The following CDC14B variants were observed in gnomAD, a reference collection of about 807,000 sequenced individuals.
The protein encoded by CDC14B is cell division cycle 14B.
Under a neutral mutation model 64.2 loss-of-function variants are expected in CDC14B, and 22 were observed. The observed-to-expected ratio is 0.34, with a 90% CI of 0.24 to 0.49. The LOEUF (loss-of-function observed/expected upper bound fraction) is 0.49. Ranked by LOEUF, CDC14B falls within the 20% of genes least tolerant of loss-of-function variation. The probability of loss-of-function intolerance (pLI) is 0.99; values close to 1 mark genes in which losing one functional copy is unlikely to be tolerated. For missense variants in CDC14B, 498 were observed against 629.9 expected (o/e 0.79, Z 2.24); for synonymous variants, 191 against 215.8 (o/e 0.89, Z 1.01).
At chr9:96,615,833 T>C (rs1486617950) in intron 1 of CDC14B, among the ~76,000 whole-genome samples, 1 of 152,224 alleles carries the variant, frequency 6.6e-6, no homozygotes, top group Admixed American at 6.6e-5. Context: ...CACTGAGGAA[T>C]GGATAAAGTC....
intron 12 of CDC14B, among the ~76,000 whole-genome samples, chr9:96,511,313 C>T (rs893724496): frequency 6.6e-6 from 1 of 152,222 alleles, no homozygotes; most frequent in Non-Finnish European, 1.5e-5. Flanking sequence ...TGGCTCACAC[C>T]TGTAATCCTA....
chr9:96,605,235 C>T (rs1846807044), intron 1 of CDC14B, among the ~76,000 whole-genome samples: 1 of 152,100 alleles, frequency 6.6e-6, no homozygotes. Context: ...TAAGAACCAG[C>T]CATATCCCCT....
At chr9:96,527,149 T>G (rs1837683987) in intron 9 of CDC14B, among the ~76,000 whole-genome samples, 2 of 152,324 alleles carry the variant, frequency 1.3e-5, no homozygotes, top group Admixed American at 6.5e-5. Context: ...CTTACACCTG[T>G]AATCCCAGCA....
rs1193650416 is a variant in CDC14B, at chr9:96,502,783, T to C, written c.*970A>G. On this transcript the variant is annotated 3_prime_UTR_variant, in exon 14 of 14. Transcript: ENST00000375241. ...TCACTGAGATCGCAGGCCACGTCAATGGCCTTAGGTGGATCTCATAAGGGA... is the reference window on the plus strand; with the variant it reads ...TCACTGAGATCGCAGGCCACGTCAACGGCCTTAGGTGGATCTCATAAGGGA... The C allele has an allele frequency of 2.5e-6, 1 of 397,536 alleles. No homozygotes were observed. The highest frequency in any genetic ancestry group is 3.6e-5 in the East Asian group (1 of 28,038). 24.6% of individuals were successfully genotyped at this position (397,536 alleles called of 1,614,324 possible). A position where few individuals can be genotyped will look rare whatever the true frequency, so the allele number is the denominator to read the frequency against.
intron 4 of CDC14B, among the ~76,000 whole-genome samples, chr9:96,553,507 C>T (rs2087733390): frequency 6.6e-6 from 1 of 151,886 alleles, no homozygotes; most frequent in African/African-American, 2.4e-5. Flanking sequence ...TATAGGCGTG[C>T]ACCACCACGC....
At chr9:96,605,432 G>A (rs149805805) in intron 1 of CDC14B, among the ~76,000 whole-genome samples, 2 of 152,276 alleles carry the variant, frequency 1.3e-5, no homozygotes, top group East Asian at 1.9e-4. Context: ...AACCCTCAGT[G>A]AGGAAAACTC....
chr9:96,570,525 G>A (rs1844404940), intron 1 of CDC14B, among the ~76,000 whole-genome samples: 1 of 152,184 alleles, frequency 6.6e-6, no homozygotes, highest in Admixed American at 6.5e-5. Context: ...TAGGGAGCAG[G>A]AGAGAACAGG....
intron 1 of CDC14B, among the ~76,000 whole-genome samples, chr9:96,585,365 C>T (rs1845400664): frequency 6.6e-6 from 1 of 152,068 alleles, no homozygotes; most frequent in Non-Finnish European, 1.5e-5. Context: ...CCCCTTGCCC[C>T]CAACCCCCAG....
Position 96,619,361 on chromosome 9 carries a change from C to T in CDC14B, c.18G>A (p.Glu6=). The T allele has an allele frequency of 8.9e-6, 11 of 1,231,310 alleles. No homozygotes were observed. The highest frequency in any genetic ancestry group is 1.1e-5 in the Non-Finnish European group (11 of 984,240). The allele number at this position is 1,231,310 out of a possible 1,614,324, so 76.3% of individuals were successfully genotyped here. A position where few individuals can be genotyped will look rare whatever the true frequency, so the allele number is the denominator to read the frequency against. Residue 6 remains glutamate (E), a synonymous_variant, in exon 1 of 14, where the codon GAG becomes GAA. Transcript: ENST00000375241. MKRKS[E]RRSSWAAAPP... The stretch of plus-strand genomic sequence containing the variant: ...GCGCGGCGGCCCAGCTCGACCGCCG[C>T]TCGCTTTTCCGCTTCATGGAGGCGG...
At chr9:96,608,978 T>A (rs958756004) in intron 1 of CDC14B, among the ~76,000 whole-genome samples, 2 of 151,982 alleles carry the variant, frequency 1.3e-5, no homozygotes, top group African/African-American at 4.8e-5. Context: ...ATTATTCATA[T>A]ATATATATTT....
chr9:96,509,957 T>C (rs1485559568), intron 12 of CDC14B, among the ~76,000 whole-genome samples, 168 bp from the exon 13 acceptor site: 1 of 152,238 alleles, frequency 6.6e-6, no homozygotes, highest in Non-Finnish European at 1.5e-5. Context: ...CATCAAGGCC[T>C]TTTAAAATGA....
At chr9:96,498,749 G>A (rs73654891), downstream of CDC14B, among the ~76,000 whole-genome samples, 10,570 of 152,246 alleles carry the variant, frequency 0.069, 1,237 homozygotes, top group African/African-American at 0.24. Context: ...CACTTTCCAC[G>A]TGTTATTTTA....
At chr9:96,513,369 G>C (rs924222337) in intron 12 of CDC14B, among the ~76,000 whole-genome samples, 2 of 152,112 alleles carry the variant, frequency 1.3e-5, no homozygotes, top group Admixed American at 6.5e-5. Flanking sequence ...AGGCACCAGA[G>C]GGTGACGTGT....
intron 1 of CDC14B, among the ~76,000 whole-genome samples, chr9:96,574,173 G>T (rs566178760): frequency 4.5e-4 from 68 of 151,896 alleles, no homozygotes; most frequent in African/African-American, 1.6e-3. Flanking sequence ...CAAGAAGGGG[G>T]CTCCTGTTCT....
chr9:96,534,532 T>C lies in CDC14B; in HGVS notation c.638A>G (p.Asn213Ser), dbSNP rs765184416. The C allele has an allele frequency of 3.1e-6, 5 of 1,612,230 alleles. No individual in the cohort carries two copies. Among genetic ancestry groups the C allele is most frequent in the Non-Finnish European group, 8.5e-7 (1 of 1,178,526 alleles). Reference protein sequence around the residue: ...DEYEHYEKAENGDLNWIIPDR... With the variant: ...DEYEHYEKAESGDLNWIIPDR... Reference sequence around the variant, plus strand: ...TGGTATTATCCAATTTAAATCTCCATTTTCTGCTTTCTGCAAGGGGAAGAC... The same window carrying C: ...TGGTATTATCCAATTTAAATCTCCACTTTCTGCTTTCTGCAAGGGGAAGAC... Residue 213 changes from asparagine to serine, a missense_variant, in exon 8 of 14, where the codon AAT (asparagine) becomes AGT (serine). Coordinates refer to ENST00000375241, the MANE Select transcript of CDC14B (RefSeq NM_033331.4).
At chr9:96,534,585 T>C in intron 7 of CDC14B, 43 bp from the exon 8 acceptor site, 1 of 1,285,766 alleles carries the variant, frequency 7.8e-7, no homozygotes, top group South Asian at 1.2e-5. Context: ...AAATGTATTC[T>C]CCCCACAACC....
Position 96,619,489 on chromosome 9 carries a change from G to T in CDC14B, c.-111C>A, listed in dbSNP as rs997925532. On this transcript the variant is annotated 5_prime_UTR_variant, in exon 1 of 14. Transcript: ENST00000375241. The stretch of plus-strand genomic sequence containing the variant: ...GCGCTCGGGGCGGCGGGCGCAGAGC[G>T]GCGCTGCGGGGACGGCGGGCGCCGG... The T allele has an allele frequency of 2.1e-6, 1 of 485,118 alleles. No individual in the cohort carries two copies. Among genetic ancestry groups the T allele is most frequent in the Non-Finnish European group, 2.7e-6 (1 of 376,022 alleles). 30.1% of individuals were successfully genotyped at this position (485,118 alleles called of 1,614,324 possible).
chr9:96,611,981 T>G (rs551944468), intron 1 of CDC14B, among the ~76,000 whole-genome samples: 3 of 152,226 alleles, frequency 2.0e-5, no homozygotes, highest in Non-Finnish European at 4.4e-5. Flanking sequence ...ACAATAAGCT[T>G]AGCTGCAATT....
intron 1 of CDC14B, among the ~76,000 whole-genome samples, chr9:96,585,542 G>T (rs1271013680): frequency 6.6e-6 from 1 of 152,042 alleles, no homozygotes; most frequent in African/African-American, 2.4e-5. Context: ...TCAGTATCAG[G>T]GAAATGCAAA....
Sources: gnomAD v4.1 joint callset for allele counts (sites outside exome capture counted in the v4.1 genomes callset) on GRCh38, gnomAD v4.1.1 for gene constraint, MANE v1.5 for transcripts, NCBI Gene and HGNC (gene_info 2026-07-23, HGNC 2026-07-21) for gene names.